The following MORN3 variants were observed in gnomAD, a reference collection of about 807,000 sequenced individuals.
MORN3 encodes MORN repeat-containing protein 3.
MORN3 carries 38 observed loss-of-function variants against 34.7 expected under a neutral mutation model. The observed-to-expected ratio is 1.10, with a 90% CI of 0.85 to 1.44. MORN3 has a LOEUF of 1.44. Ranked by LOEUF, MORN3 falls within the 40% of genes most tolerant of loss-of-function variation. The pLI, the probability that MORN3 is intolerant of heterozygous loss-of-function variation, is 0.00. For missense variants in MORN3, 311 were observed against 321.7 expected (o/e 0.97, Z 0.25); for synonymous variants, 109 against 115.3 (o/e 0.95, Z 0.35).
chr12:121,669,203 G>T, intron 1 of MORN3, 136 bp downstream of exon 1: 1 of 1,157,436 alleles, frequency 8.6e-7, no homozygotes, highest in Non-Finnish European at 1.2e-6. Flanking sequence ...CAGCTGGCCT[G>T]GGCCAGCGCT....
At chr12:121,659,822 G>C (rs1427964521) in intron 1 of MORN3, among the ~76,000 whole-genome samples, 1 of 151,850 alleles carries the variant, frequency 6.6e-6, no homozygotes, top group Non-Finnish European at 1.5e-5. Flanking sequence ...GAGCCACTGC[G>C]TCCGGCCAGA....
intron 1 of MORN3, among the ~76,000 whole-genome samples, chr12:121,662,314 C>T (rs1261086816): frequency 6.6e-6 from 1 of 151,908 alleles, no homozygotes; most frequent in Non-Finnish European, 1.5e-5. Context: ...TAAATATACA[C>T]AAATTAGCCT....
chr12:121,664,288 G>A (rs1320578309), intron 1 of MORN3, among the ~76,000 whole-genome samples: 1 of 152,152 alleles, frequency 6.6e-6, no homozygotes, highest in East Asian at 1.9e-4. Flanking sequence ...GAGGCCTGAT[G>A]AATACCCACA....
intron 1 of MORN3, among the ~76,000 whole-genome samples, chr12:121,664,956 CAGG>C (rs1566485420): frequency 6.7e-6 from 1 of 149,462 alleles, no homozygotes; most frequent in East Asian, 2.0e-4. Context: ...CAGGCAAATG[CAGG>C]AGACACATGG....
intron 1 of MORN3, among the ~76,000 whole-genome samples, chr12:121,665,477 C>T (rs1252471866): frequency 6.7e-6 from 1 of 149,840 alleles, no homozygotes; most frequent in Non-Finnish European, 1.5e-5. Context: ...TTAGAAAACG[C>T]GAGGTCTTGG....
At chr12:121,656,392 T>C (rs1280169693) in intron 2 of MORN3, among the ~76,000 whole-genome samples, 3 of 152,220 alleles carry the variant, frequency 2.0e-5, no homozygotes, top group African/African-American at 7.2e-5. Flanking sequence ...GGCACCACCA[T>C]AGCTCACTAT....
In MORN3 at chr12:121,669,364, G is replaced by A. The variant is rs772451982; in HGVS notation, c.120C>T (p.Gly40=). Residue 40 remains glycine (G), a synonymous_variant, in exon 1 of 6, where the codon GGC becomes GGT. Transcript: ENST00000355329. ...CGTGTTTCACGTTGTCCTTCCACTCGCCCACATAGTAGTCGCCATTCACAG... is the reference window on the plus strand; with the variant it reads ...CGTGTTTCACGTTGTCCTTCCACTCACCCACATAGTAGTCGCCATTCACAG... ...VYAVNGDYYV[G]EWKDNVKHGK... 5.0e-6 allele frequency: 8 copies of A among 1,613,566 alleles called. No individual in the cohort carries two copies. Among genetic ancestry groups the A allele is most frequent in the African/African-American group, 4.0e-5 (3 of 74,878 alleles).
chr12:121,669,914 C>A (rs1228814985), upstream of MORN3, among the ~76,000 whole-genome samples: 2 of 150,028 alleles, frequency 1.3e-5, no homozygotes, highest in Non-Finnish European at 3.0e-5. Flanking sequence ...TGCTTTGTTG[C>A]CCAGGCTGGA....
chr12:121,665,848 C>A (rs113916330), intron 1 of MORN3, among the ~76,000 whole-genome samples: 1 of 151,012 alleles, frequency 6.6e-6, no homozygotes, highest in Admixed American at 6.6e-5. Context: ...GGGGTCCAGA[C>A]GACCCAACAG....
At chr12:121,666,562 G>A (rs1443246271) in intron 1 of MORN3, among the ~76,000 whole-genome samples, 1 of 152,148 alleles carries the variant, frequency 6.6e-6, no homozygotes, top group Admixed American at 6.6e-5. Flanking sequence ...TCACTAAGAT[G>A]CTGGCAGCCA....
chr12:121,666,291 G>C (rs991865701), intron 1 of MORN3, among the ~76,000 whole-genome samples: 10 of 152,034 alleles, frequency 6.6e-5, no homozygotes, highest in African/African-American at 2.4e-4. Context: ...TGAGAGCTGG[G>C]ATTACAGGCG....
At chr12:121,657,840 G>C (rs1893455032) in intron 2 of MORN3, among the ~76,000 whole-genome samples, 1 of 151,868 alleles carries the variant, frequency 6.6e-6, no homozygotes, top group African/African-American at 2.4e-5. Flanking sequence ...GCACTCCAGC[G>C]TGGCGACAAG....
At chr12:121,671,582 A>G (rs1280120672), upstream of MORN3, among the ~76,000 whole-genome samples, 1 of 151,732 alleles carries the variant, frequency 6.6e-6, no homozygotes, top group Non-Finnish European at 1.5e-5. Flanking sequence ...GGTCTCTGTT[A>G]AAAATAGGAA....
intron 2 of MORN3, among the ~76,000 whole-genome samples, chr12:121,655,430 C>G (rs552518009): frequency 1.3e-5 from 2 of 152,174 alleles, no homozygotes; most frequent in African/African-American, 4.8e-5. Flanking sequence ...CCATACTTAG[C>G]CTGGCGTGGT....
chr12:121,659,486 A>C (rs902940022), intron 1 of MORN3, 138 bp from the exon 2 acceptor site: 56 of 751,760 alleles, frequency 7.4e-5, no homozygotes, highest in Non-Finnish European at 1.2e-4. Flanking sequence ...CCTAGACACC[A>C]AGTACCCAGG....
intron 1 of MORN3, among the ~76,000 whole-genome samples, chr12:121,668,003 G>T (rs542100800): frequency 1.5e-4 from 23 of 151,958 alleles, no homozygotes; most frequent in African/African-American, 4.1e-4. Context: ...GATTACAGGC[G>T]TGATCCACCA....
intron 1 of MORN3, among the ~76,000 whole-genome samples, chr12:121,665,634 G>A (rs1372603420): frequency 2.0e-5 from 3 of 150,772 alleles, no homozygotes; most frequent in Non-Finnish European, 1.5e-5. Context: ...GCTTGGTGGC[G>A]TGCATCTGTA....
chr12:121,654,564 A>G, intron 2 of MORN3, 131 bp from the exon 3 acceptor site: 1 of 999,454 alleles, frequency 1.0e-6, no homozygotes, highest in South Asian at 1.8e-5. Context: ...GTCCAAGCGG[A>G]GGGTCGTGTC....
rs527824011 is a variant in MORN3 at position 121,667,610 on chromosome 12, C to A, written c.145+1729G>T. Among the ~76,000 whole-genome samples, 21 of 152,236 alleles carry A rather than the reference C, an allele frequency of 1.4e-4. 1 individual carries two copies. In the East Asian group the frequency reaches 4.1e-3, roughly 29 times the overall value. ...ACTCTGTTTCACCCACACCGTCCTC[C>A]TGGCTGTTCCTTGAACACCCCAGGT... On this transcript the variant is annotated intron_variant, in intron 1 of 5. Transcript: ENST00000355329.
Sources: allele counts gnomAD v4.1 joint callset (sites outside exome capture counted in the v4.1 genomes callset), GRCh38; gene constraint gnomAD v4.1.1; transcripts MANE v1.5; gene names NCBI Gene and HGNC (gene_info 2026-07-23, HGNC 2026-07-21).